The following NCAM2 variants were observed in gnomAD, a reference collection of about 807,000 sequenced individuals.
NCAM2 encodes neural cell adhesion molecule 2.
Under a neutral mutation model 98.1 loss-of-function variants are expected in NCAM2, and 30 were observed. That is an observed-to-expected ratio of 0.31 (90% CI 0.23 to 0.41). The LOEUF (loss-of-function observed/expected upper bound fraction) is 0.41, where lower values mean the gene tolerates loss of function less well. NCAM2 is among the 10% of genes least tolerant of loss of function. The pLI is 1.00. For synonymous variants in NCAM2, 368 were observed against 342.4 expected (o/e 1.07, Z -0.83); for missense variants, 867 against 1,005.8 (o/e 0.86, Z 1.87).
chr21:21,417,827 C>G (rs545771068), intron 10 of NCAM2, among the ~76,000 whole-genome samples: 8 of 152,082 alleles, frequency 5.3e-5, no homozygotes, highest in African/African-American at 1.9e-4. Context: ...GAAAAAGTGC[C>G]TGTCTATGAG....
At chr21:21,055,774 C>A (rs1339177951) in intron 1 of NCAM2, among the ~76,000 whole-genome samples, 1 of 152,032 alleles carries the variant, frequency 6.6e-6, no homozygotes, top group East Asian at 1.9e-4. Flanking sequence ...CTTCCTAAAC[C>A]TTACTTTCCC....
chr21:21,450,922 C>A (rs1279879323), intron 12 of NCAM2, among the ~76,000 whole-genome samples: 1 of 151,500 alleles, frequency 6.6e-6, no homozygotes, highest in East Asian at 1.9e-4. Flanking sequence ...AGGTTAAATG[C>A]TGCTTTTAAT....
chr21:21,358,648 A>G (rs987087601), intron 8 of NCAM2, among the ~76,000 whole-genome samples: 6 of 152,058 alleles, frequency 3.9e-5, no homozygotes, highest in African/African-American at 1.4e-4. Flanking sequence ...TTGGCATTCC[A>G]AGTTTATATA....
chr21:21,514,191 A>T (rs1602536726), intron 16 of NCAM2, among the ~76,000 whole-genome samples: 1 of 151,404 alleles, frequency 6.6e-6, no homozygotes, highest in East Asian at 1.9e-4. Flanking sequence ...TTTTACATAT[A>T]ACCTCTTTTC....
intron 12 of NCAM2, among the ~76,000 whole-genome samples, chr21:21,447,797 T>G (rs138704881): frequency 2.0e-5 from 3 of 152,216 alleles, no homozygotes; most frequent in African/African-American, 7.2e-5. Flanking sequence ...GAATAAAAGC[T>G]TAACATCACT....
intron 15 of NCAM2, among the ~76,000 whole-genome samples, chr21:21,504,384 A>T (rs1005342071): frequency 7.9e-5 from 12 of 151,970 alleles, no homozygotes; most frequent in Non-Finnish European, 1.5e-4. Flanking sequence ...ATCTTAAAAA[A>T]TAAAAAATGG....
chr21:21,273,252 T>G lies in NCAM2; in HGVS notation c.56-7326T>G, dbSNP rs142702457. Among the ~76,000 whole-genome samples, 273 of 152,328 alleles carry G rather than the reference T, an allele frequency of 1.8e-3. 1 individual carries two copies. The highest frequency in any genetic ancestry group is 6.3e-3 in the African/African-American group (263 of 41,574). On this transcript the variant is annotated intron_variant, in intron 1 of 17. Transcript: ENST00000400546. ...CTACTTTATAGAAATGTTTGAGGAA[T>G]AAAGTAGTTATTGTGGGTATGCATA... is the stretch of plus-strand genomic sequence containing the variant.
At chr21:21,266,621 A>T (rs565479833) in intron 1 of NCAM2, among the ~76,000 whole-genome samples, 6 of 152,148 alleles carry the variant, frequency 3.9e-5, no homozygotes, top group African/African-American at 1.4e-4. Context: ...TATCACAGGG[A>T]CAAAAAAACA....
chr21:21,409,658 A>G (rs538148892), intron 9 of NCAM2, among the ~76,000 whole-genome samples: 1 of 152,226 alleles, frequency 6.6e-6, no homozygotes, highest in Admixed American at 6.5e-5. Flanking sequence ...AACATAGTCA[A>G]TATGTATTTT....
chr21:21,418,338 A>G (rs924228318), intron 10 of NCAM2, 135 bp from the exon 11 acceptor site: 7 of 640,976 alleles, frequency 1.1e-5, no homozygotes, highest in Non-Finnish European at 1.9e-5. Context: ...TACTTAATAA[A>G]GAAAATTAAA....
intron 1 of NCAM2, among the ~76,000 whole-genome samples, chr21:21,111,571 G>T (rs1360377728): frequency 6.6e-6 from 1 of 152,190 alleles, no homozygotes; most frequent in Non-Finnish European, 1.5e-5. Context: ...TGTGACACAT[G>T]CTACGGATTA....
chr21:21,528,611 G>A (rs1302096339), intron 16 of NCAM2, among the ~76,000 whole-genome samples: 1 of 152,144 alleles, frequency 6.6e-6, no homozygotes, highest in African/African-American at 2.4e-5. Context: ...AAATTACAAT[G>A]TATATGGTTA....
intron 1 of NCAM2, among the ~76,000 whole-genome samples, chr21:21,263,466 T>A (rs1263719553): frequency 1.3e-5 from 2 of 151,940 alleles, no homozygotes; most frequent in Non-Finnish European, 2.9e-5. Flanking sequence ...TCAATGAAAT[T>A]CATATAAAAT....
At chr21:21,258,754 C>T (rs976818206) in intron 1 of NCAM2, among the ~76,000 whole-genome samples, 2 of 152,152 alleles carry the variant, frequency 1.3e-5, no homozygotes, top group Non-Finnish European at 1.5e-5. Flanking sequence ...CCCTTGAGTC[C>T]CTGCACCTTT....
intron 16 of NCAM2, among the ~76,000 whole-genome samples, chr21:21,514,745 G>A (rs1988614979): frequency 6.6e-6 from 1 of 152,060 alleles, no homozygotes; most frequent in African/African-American, 2.4e-5. Flanking sequence ...TTTAGTAATT[G>A]AAAATGTCAT....
intron 1 of NCAM2, among the ~76,000 whole-genome samples, chr21:21,007,893 A>C (rs1260159283): frequency 6.6e-6 from 1 of 152,120 alleles, no homozygotes; most frequent in East Asian, 1.9e-4. Flanking sequence ...CCCAGATGCT[A>C]TTCAAGATGG....
chr21:21,446,258 A>G (rs1434908723), intron 12 of NCAM2, among the ~76,000 whole-genome samples: 2 of 151,420 alleles, frequency 1.3e-5, no homozygotes, highest in African/African-American at 2.4e-5. Flanking sequence ...TGGCCTTAAC[A>G]TTTTTTTTAA....
intron 12 of NCAM2, among the ~76,000 whole-genome samples, chr21:21,444,042 A>T (rs1245887465): frequency 2.0e-5 from 3 of 152,158 alleles, no homozygotes; most frequent in Non-Finnish European, 4.4e-5. Flanking sequence ...TAGAGTTTTT[A>T]ACATGAAGGG....
At chr21:21,358,924 G>A (rs1212763950) in intron 8 of NCAM2, among the ~76,000 whole-genome samples, 3 of 151,870 alleles carry the variant, frequency 2.0e-5, no homozygotes, top group African/African-American at 7.2e-5. Flanking sequence ...TGTATAGTGA[G>A]GGAGTGTTTC....
Sources: gnomAD v4.1 joint callset for allele counts (sites outside exome capture counted in the v4.1 genomes callset) on GRCh38, gnomAD v4.1.1 for gene constraint, MANE v1.5 for transcripts, NCBI Gene and HGNC (gene_info 2026-07-23, HGNC 2026-07-21) for gene names.